COL25A1: variants seen among roughly 807,000 people sequenced by gnomAD.
The protein encoded by COL25A1 is collagen alpha-1(XXV) chain.
In COL25A1, 103 loss-of-function variants were observed where a neutral mutation model predicts 128.4. That is an observed-to-expected ratio of 0.80 (90% CI 0.68 to 0.94). The LOEUF (loss-of-function observed/expected upper bound fraction) is 0.94, where lower values mean the gene tolerates loss of function less well. Ranked by LOEUF, COL25A1 falls within the 40% of genes least tolerant of loss-of-function variation. The probability of loss-of-function intolerance (pLI) is 0.00; values close to 1 mark genes in which losing one functional copy is unlikely to be tolerated. For missense variants in COL25A1, 745 were observed against 840.0 expected (o/e 0.89, Z 1.40); for synonymous variants, 279 against 277.2 (o/e 1.01, Z -0.06).
At chr4:108,986,322 T>C (rs781484261) in intron 6 of COL25A1, among the ~76,000 whole-genome samples, 7 of 152,190 alleles carry the variant, frequency 4.6e-5, no homozygotes, top group Non-Finnish European at 1.0e-4. Context: ...CAATCTTCAA[T>C]AGATGTATTT....
In COL25A1 at chr4:108,974,380, TC is replaced by T; in HGVS notation, c.478del (p.Asp160IlefsTer27). 6.2e-7 allele frequency: 1 copy of T among 1,614,028 alleles called. No homozygotes were observed. Among genetic ancestry groups the T allele is most frequent in the Non-Finnish European group, 8.5e-7 (1 of 1,179,930 alleles). On this transcript the variant is annotated frameshift_variant, in exon 8 of 38. Transcript: ENST00000399132. LOFTEE classifies it high-confidence loss of function. ...GPKGDKGEQG[D>X]QGPRMVFPKI... The stretch of plus-strand genomic sequence containing the variant: ...AGCACAACTTACCCTAGGTCCCTGA[TC>T]ACCTTGTTCTCCCTGTAGAATAGAA...
intron 3 of COL25A1, among the ~76,000 whole-genome samples, chr4:109,186,370 C>T (rs1468412342): frequency 6.6e-6 from 1 of 151,876 alleles, no homozygotes; most frequent in Non-Finnish European, 1.5e-5. Context: ...TATTTGTATT[C>T]TCTGGATTTT....
chr4:108,830,841 T>G (rs1260702066), intron 32 of COL25A1, among the ~76,000 whole-genome samples: 1 of 152,390 alleles, frequency 6.6e-6, no homozygotes, highest in East Asian at 1.9e-4. Context: ...TTTTAGTACA[T>G]GGGCTGGGTT....
chr4:109,073,208 G>A (rs756393107), intron 3 of COL25A1, among the ~76,000 whole-genome samples: 1 of 152,108 alleles, frequency 6.6e-6, no homozygotes, highest in Non-Finnish European at 1.5e-5. Context: ...ATGGTGGAGG[G>A]AGAGAAACCA....
chr4:108,958,509 T>G lies in COL25A1; in HGVS notation c.492+15858A>C, dbSNP rs114229678. On this transcript the variant is annotated intron_variant, in intron 8 of 37. Coordinates refer to ENST00000399132, the MANE Select transcript of COL25A1 (RefSeq NM_198721.4). ...ATAAGATATCTAAGCTAGATCATCT[T>G]AGGTAATAAACCAACATTTTTTTAA... Among the ~76,000 whole-genome samples, 1,047 of 152,128 alleles carry G rather than the reference T, an allele frequency of 6.9e-3. 14 individuals are homozygous for G. The highest frequency in any genetic ancestry group is 0.024 in the African/African-American group (1,013 of 41,536).
At chr4:109,230,013 G>A (rs1034290780) in intron 3 of COL25A1, among the ~76,000 whole-genome samples, 2 of 152,082 alleles carry the variant, frequency 1.3e-5, no homozygotes, top group African/African-American at 4.8e-5. Context: ...CAGGAGCAAG[G>A]GGTGGGGAGG....
intron 17 of COL25A1, 33 bp downstream of exon 17, chr4:108,889,668 C>T (rs753187760): frequency 4.4e-6 from 7 of 1,604,466 alleles, no homozygotes; most frequent in African/African-American, 1.3e-5. Flanking sequence ...ACTGTAACTC[C>T]TGGAGTACAA....
At chr4:108,905,405 T>C (rs920882382) in intron 13 of COL25A1, among the ~76,000 whole-genome samples, 3 of 151,976 alleles carry the variant, frequency 2.0e-5, no homozygotes, top group Non-Finnish European at 4.4e-5. Flanking sequence ...AGATAGAGTT[T>C]AAAAACTATA....
rs539851292 is a variant in COL25A1 at position 109,128,291 on chromosome 4, C to T, written c.368-78112G>A. On this transcript the variant is annotated intron_variant, in intron 3 of 37. Coordinates refer to ENST00000399132, the MANE Select transcript of COL25A1 (RefSeq NM_198721.4). ...GAGGACTAAACTCTGGCCACCATTC[C>T]TTGTTCAAAATTTCTTCCAGAGGAG... 3.9e-5 allele frequency among the ~76,000 whole-genome samples: 6 copies of T among 152,296 alleles called. 1 individual carries two copies. The East Asian group carries it at 1.2e-3, about 29-fold the overall frequency.
In COL25A1 at chr4:108,955,833, GA is replaced by G. The variant is rs985046681; in HGVS notation, c.493-14397del. On this transcript the variant is annotated intron_variant, in intron 8 of 37. Coordinates refer to ENST00000399132, the MANE Select transcript of COL25A1 (RefSeq NM_198721.4). Reference sequence around the variant, plus strand: ...TTAGCTTCTAATTCTCTGTCAAACAGAAAAAAAATATAGTTGTTTGAATTAA... The same window carrying G: ...TTAGCTTCTAATTCTCTGTCAAACAGAAAAAAATATAGTTGTTTGAATTAA... Among the ~76,000 whole-genome samples, 250 of 151,910 alleles carry G rather than the reference GA, an allele frequency of 1.6e-3. 2 individuals carry two copies. The highest frequency in any genetic ancestry group is 5.4e-3 in the Admixed American group (83 of 15,238).
intron 3 of COL25A1, among the ~76,000 whole-genome samples, chr4:109,239,474 C>G (rs990057765): frequency 1.4e-5 from 2 of 146,748 alleles, no homozygotes; most frequent in Admixed American, 1.4e-4. Flanking sequence ...CAAACCTGTA[C>G]AGCAGGTAGG....
chr4:108,944,213 G>A (rs924825482), intron 8 of COL25A1, among the ~76,000 whole-genome samples: 16 of 152,098 alleles, frequency 1.1e-4, no homozygotes, highest in African/African-American at 3.6e-4. Context: ...TAGTTTTGAG[G>A]TGACCTATGT....
intron 3 of COL25A1, among the ~76,000 whole-genome samples, chr4:109,207,339 T>C (rs901814150): frequency 6.6e-6 from 1 of 152,094 alleles, no homozygotes; most frequent in African/African-American, 2.4e-5. Flanking sequence ...GCGGGGGAGC[T>C]TTAACATCTT....
chr4:109,085,600 T>C (rs910370601), intron 3 of COL25A1, among the ~76,000 whole-genome samples: 1 of 152,182 alleles, frequency 6.6e-6, no homozygotes, highest in Non-Finnish European at 1.5e-5. Flanking sequence ...TTTATTTCCA[T>C]TGCACAAAAA....
intron 11 of COL25A1, among the ~76,000 whole-genome samples, chr4:108,933,060 C>G (rs754193624): frequency 1.3e-5 from 2 of 152,164 alleles, no homozygotes; most frequent in Non-Finnish European, 2.9e-5. Context: ...TGTGGAACTG[C>G]GTGAGCTGCA....
chr4:109,043,614 G>T (rs1008587334), intron 5 of COL25A1, among the ~76,000 whole-genome samples: 4 of 151,986 alleles, frequency 2.6e-5, no homozygotes, highest in African/African-American at 9.7e-5. Context: ...GCTCTTTTCT[G>T]GCTATAGTTA....
At chr4:109,093,462 A>AAACAAACAAC (rs944905033) in intron 3 of COL25A1, among the ~76,000 whole-genome samples, 1 of 149,066 alleles carries the variant, frequency 6.7e-6, no homozygotes, top group African/African-American at 2.5e-5. Flanking sequence ...TCTATGAAAA[A>AAACAAACAAC]AAAAAAAAAA....
At chr4:108,847,784 CATT>C (rs2125764471) in intron 27 of COL25A1, among the ~76,000 whole-genome samples, 1 of 152,156 alleles carries the variant, frequency 6.6e-6, no homozygotes, top group South Asian at 2.1e-4. Flanking sequence ...TTTAATATGG[CATT>C]ATTATTATTT....
chr4:108,978,447 T>G (rs896751978), intron 6 of COL25A1, among the ~76,000 whole-genome samples: 1 of 152,200 alleles, frequency 6.6e-6, no homozygotes, highest in Non-Finnish European at 1.5e-5. Context: ...TTTCCAAAAT[T>G]TAGAAGCCAT....
Sources: allele counts gnomAD v4.1 joint callset (sites outside exome capture counted in the v4.1 genomes callset), GRCh38; gene constraint gnomAD v4.1.1; transcripts MANE v1.5; gene names NCBI Gene and HGNC (gene_info 2026-07-23, HGNC 2026-07-21).